The following LPCAT2 variants were observed in gnomAD, a reference collection of about 807,000 sequenced individuals.
LPCAT2 encodes 1-AGP acyltransferase 11.
LPCAT2 carries 58 observed loss-of-function variants against 64.7 expected under a neutral mutation model. That is an observed-to-expected ratio of 0.90 (90% CI 0.73 to 1.12). The LOEUF is 1.12. LPCAT2 is among the 50% of genes most tolerant of loss of function. The pLI is 0.00. For missense variants in LPCAT2, 579 were observed against 669.8 expected (o/e 0.86, Z 1.50); for synonymous variants, 252 against 245.3 (o/e 1.03, Z -0.26).
In LPCAT2 at chr16:55,525,542, G is replaced by A. The variant is rs1268833095; in HGVS notation, c.206G>A (p.Arg69His). 4 of 1,608,586 alleles carry A rather than the reference G, an allele frequency of 2.5e-6. No homozygotes were observed. Among genetic ancestry groups the A allele is most frequent in the South Asian group, 2.2e-5 (2 of 90,432 alleles). Reference sequence around the variant, plus strand: ...CTTGGGATTATCTTGCTTCCAATTCGTGTCTTATTGGTTGCGTTAATTTTA... The same window carrying A: ...CTTGGGATTATCTTGCTTCCAATTCATGTCTTATTGGTTGCGTTAATTTTA... ...VLLGIILLPI[R>H]VLLVALILLL... The change falls in exon 2 of 14, where the codon CGT becomes CAT. Residue 69 changes from arginine (R) to histidine (H), a missense_variant. Physicochemically the swap from Arg to His is conservative, Grantham distance 29. Transcript: ENST00000262134.
intron 8 of LPCAT2, chr16:55,545,512 A>T (rs1963442794): frequency 2.6e-6 from 1 of 378,842 alleles, no homozygotes; most frequent in South Asian, 7.8e-5. Context: ...TTTAGAGTTG[A>T]AATGGTTCAT....
intron 7 of LPCAT2, among the ~76,000 whole-genome samples, chr16:55,534,965 T>C (rs1396162890): frequency 2.0e-5 from 3 of 152,146 alleles, no homozygotes; most frequent in African/African-American, 7.2e-5. Flanking sequence ...TTGAAAAGCA[T>C]TGGAATCAGC....
At chr16:55,568,100 T>C (rs1963727712) in intron 11 of LPCAT2, among the ~76,000 whole-genome samples, 1 of 152,198 alleles carries the variant, frequency 6.6e-6, no homozygotes, top group African/African-American at 2.4e-5. Flanking sequence ...TTTTAAATGA[T>C]GGAGCTACTA....
chr16:55,537,458 A>C lies in LPCAT2; in HGVS notation c.798-120A>C, dbSNP rs567798497. The C allele has an allele frequency of 1.3e-5, 10 of 744,416 alleles. No individual in the cohort carries two copies. In the East Asian group the frequency reaches 2.8e-4, roughly 21 times the overall value. The allele number at this position is 744,416 out of a possible 1,614,324, so 46.1% of individuals were successfully genotyped here. A position where few individuals can be genotyped will look rare whatever the true frequency, so the allele number is the denominator to read the frequency against. On this transcript the variant is annotated intron_variant, in intron 7 of 13. Transcript: ENST00000262134. Reference sequence around the variant, plus strand: ...TATAGCTGCAGTGTAGCATTTATAAATGCAAAATATATGTGAAGTGTGATG... The same window carrying C: ...TATAGCTGCAGTGTAGCATTTATAACTGCAAAATATATGTGAAGTGTGATG...
chr16:55,564,545 T>C (rs1963670997), intron 11 of LPCAT2, among the ~76,000 whole-genome samples: 1 of 151,926 alleles, frequency 6.6e-6, no homozygotes, highest in African/African-American at 2.4e-5. Flanking sequence ...AACCCTTGTG[T>C]ATATGGTCAT....
chr16:55,547,746 A>T (rs1963469587), intron 9 of LPCAT2, among the ~76,000 whole-genome samples: 1 of 152,134 alleles, frequency 6.6e-6, no homozygotes, highest in African/African-American at 2.4e-5. Flanking sequence ...GCTTAGAAAA[A>T]ATATTTTAGA....
chr16:55,538,605 G>GA (rs543805894), intron 8 of LPCAT2: 52 of 134,676 alleles, frequency 3.9e-4, no homozygotes, highest in African/African-American at 1.4e-3. Flanking sequence ...TGCCTGTCTT[G>GA]AAAATATCTG....
At chr16:55,542,118 T>G in intron 8 of LPCAT2, 1 of 422,004 alleles carries the variant, frequency 2.4e-6, no homozygotes, top group South Asian at 2.8e-5. Flanking sequence ...TTAGTGATAC[T>G]GAGAATCTAT....
chr16:55,562,395 T>A (rs2142408870), intron 11 of LPCAT2, among the ~76,000 whole-genome samples: 1 of 152,126 alleles, frequency 6.6e-6, no homozygotes, highest in South Asian at 2.1e-4. Context: ...TCCCTTTTTG[T>A]GTGCCTATAC....
At chr16:55,573,828 C>T (rs114323878) in intron 11 of LPCAT2, among the ~76,000 whole-genome samples, 7 of 151,978 alleles carry the variant, frequency 4.6e-5, no homozygotes, top group Admixed American at 3.3e-4. Context: ...TCCCTACTTT[C>T]TACCTTATCT....
At chr16:55,559,405 G>C (rs1567402833) in intron 11 of LPCAT2, among the ~76,000 whole-genome samples, 1 of 152,174 alleles carries the variant, frequency 6.6e-6, no homozygotes, top group African/African-American at 2.4e-5. Flanking sequence ...TATGTGGAAT[G>C]AATGTGTTTC....
At chr16:55,530,093 G>T (rs1596857672) in intron 4 of LPCAT2, 146 bp downstream of exon 4, 3 of 512,880 alleles carry the variant, frequency 5.8e-6, no homozygotes. Flanking sequence ...AGTAAATACA[G>T]TAGCCAGTAT....
chr16:55,557,105 A>T (rs1377234822), intron 11 of LPCAT2: 1 of 152,192 alleles, frequency 6.6e-6, no homozygotes, highest in Non-Finnish European at 1.5e-5. Flanking sequence ...TGAGGTTTAG[A>T]TATAAACCGT....
At chr16:55,571,973 T>G (rs948392704) in intron 11 of LPCAT2, among the ~76,000 whole-genome samples, 2 of 152,334 alleles carry the variant, frequency 1.3e-5, no homozygotes, top group South Asian at 4.1e-4. Flanking sequence ...ATTCTGAATT[T>G]GGAATCTTAA....
intron 1 of LPCAT2, 114 bp from the exon 2 acceptor site, chr16:55,525,390 AATTC>A (rs1160961159): frequency 2.6e-6 from 2 of 782,150 alleles, no homozygotes; most frequent in Admixed American, 5.4e-5. Context: ...GCTAGTAGTC[AATTC>A]ATCCTTGACT....
At position 55,585,610 on chromosome 16, in the gene LPCAT2, A is replaced by T. The variant is rs1377335009; in HGVS notation, c.*2512A>T. On this transcript the variant is annotated 3_prime_UTR_variant, in exon 14 of 14. Transcript: ENST00000262134. ...TATATCCTAAAACCTCTAAACCACAAACATTCAATTGAAAGAGTTCTGTTG... is the reference window on the plus strand; with the variant it reads ...TATATCCTAAAACCTCTAAACCACATACATTCAATTGAAAGAGTTCTGTTG... The T allele has an allele frequency of 2.0e-5, 3 of 152,188 alleles. No homozygotes were observed. The highest frequency in any genetic ancestry group is 4.4e-5 in the Non-Finnish European group (3 of 68,030). 9.4% of individuals were successfully genotyped at this position (152,188 alleles called of 1,614,324 possible). A position where few individuals can be genotyped will look rare whatever the true frequency, so the allele number is the denominator to read the frequency against.
rs1426939480 is a variant in LPCAT2, at chr16:55,585,161, G to T, written c.*2063G>T. 2.6e-5 allele frequency: 4 copies of T among 152,092 alleles called. No individual in the cohort carries two copies. The highest frequency in any genetic ancestry group is 9.7e-5 in the African/African-American group (4 of 41,428). 9.4% of individuals were successfully genotyped at this position (152,092 alleles called of 1,614,324 possible). Reference sequence around the variant, plus strand: ...ATTATGTTACTGAATAAACAAACTTGCTACATAAAATTCTTAGCAATTAAA... The same window carrying T: ...ATTATGTTACTGAATAAACAAACTTTCTACATAAAATTCTTAGCAATTAAA... On this transcript the variant is annotated 3_prime_UTR_variant, in exon 14 of 14. Coordinates refer to ENST00000262134, the MANE Select transcript of LPCAT2 (RefSeq NM_017839.5).
chr16:55,544,574 T>G lies in LPCAT2; in HGVS notation c.853-1161T>G, dbSNP rs547117480. Among the ~76,000 whole-genome samples the G allele has an allele frequency of 2.0e-4, 30 of 152,310 alleles. No individual in the cohort carries two copies. The South Asian group carries it at 5.2e-3, about 26-fold the overall frequency. ...TAAAACACCTAGCATGATGCCTGGTTTGTAGTTATAATTCAATAAACAGTA... is the reference window on the plus strand; with the variant it reads ...TAAAACACCTAGCATGATGCCTGGTGTGTAGTTATAATTCAATAAACAGTA... On this transcript the variant is annotated intron_variant, in intron 8 of 13. Coordinates refer to ENST00000262134, the MANE Select transcript of LPCAT2 (RefSeq NM_017839.5).
rs1962886109 is a variant in LPCAT2 at position 55,509,257 on chromosome 16, C to T, written c.76C>T (p.Pro26Ser). The change falls in exon 1 of 14, where the codon CCG (proline) becomes TCG (serine). Residue 26 changes from proline to serine, a missense_variant. By Grantham distance (74) the Pro-to-Ser change is moderately conservative (BLOSUM62 -1). Transcript: ENST00000262134. ...GAGVGNVGLR[P>S]PMVPRQASFF... Reference sequence around the variant, plus strand: ...CGGCGTCGGGAACGTGGGGCTGCGGCCGCCCATGGTGCCCCGTCAGGCGTC... The same window carrying T: ...CGGCGTCGGGAACGTGGGGCTGCGGTCGCCCATGGTGCCCCGTCAGGCGTC... The T allele has an allele frequency of 6.7e-7, 1 of 1,498,522 alleles. No individual in the cohort carries two copies. The highest frequency in any genetic ancestry group is 9.0e-7 in the Non-Finnish European group (1 of 1,117,160). The allele number at this position is 1,498,522 out of a possible 1,614,324, so 92.8% of individuals were successfully genotyped here.
Sources: allele counts gnomAD v4.1 joint callset (sites outside exome capture counted in the v4.1 genomes callset), GRCh38; gene constraint gnomAD v4.1.1; transcripts MANE v1.5; gene names NCBI Gene and HGNC (gene_info 2026-07-23, HGNC 2026-07-21).